The following CSMD1 variants were observed in gnomAD, a reference collection of about 807,000 sequenced individuals.
The protein encoded by CSMD1 is CUB and Sushi multiple domains 1.
A neutral mutation model predicts 417.5 loss-of-function variants in CSMD1; 213 were observed. The observed-to-expected ratio is 0.51, with a 90% CI of 0.46 to 0.57. The LOEUF (loss-of-function observed/expected upper bound fraction) is 0.57. Among genes scored for constraint, CSMD1 ranks in the 20% least tolerant of loss-of-function variants. CSMD1 has a pLI of 0.00. For synonymous variants in CSMD1, 2,862 were observed against 1,736.8 expected, an observed-to-expected ratio of 1.65 and a Z score of -16.11; for missense variants, 6,923 against 4,529.7, an observed-to-expected ratio of 1.53 and a Z score of -15.17.
intron 1 of CSMD1, among the ~76,000 whole-genome samples, chr8:4,911,490 C>T (rs894635795): frequency 1.3e-5 from 2 of 152,046 alleles, no homozygotes; most frequent in Admixed American, 1.3e-4. Flanking sequence ...TGGGTCTATA[C>T]CTCAATGTCA....
intron 15 of CSMD1, among the ~76,000 whole-genome samples, chr8:3,402,502 G>C (rs146713539): frequency 6.6e-6 from 1 of 152,140 alleles, no homozygotes; most frequent in African/African-American, 2.4e-5. Flanking sequence ...AAGAGAGAAA[G>C]AGAAACCTTT....
At chr8:3,965,978 C>T (rs189911315) in intron 5 of CSMD1, among the ~76,000 whole-genome samples, 56 of 151,964 alleles carry the variant, frequency 3.7e-4, no homozygotes, top group South Asian at 1.5e-3. Flanking sequence ...CATAATTTAG[C>T]GAGAATAAAA....
At chr8:4,394,358 G>A (rs945223187) in intron 3 of CSMD1, among the ~76,000 whole-genome samples, 1 of 152,142 alleles carries the variant, frequency 6.6e-6, no homozygotes, top group Non-Finnish European at 1.5e-5. Flanking sequence ...GGTTCTAAAT[G>A]TCCTGTTTCC....
chr8:4,359,200 C>G (rs1194337236), intron 3 of CSMD1, among the ~76,000 whole-genome samples: 3 of 152,170 alleles, frequency 2.0e-5, no homozygotes, highest in African/African-American at 7.2e-5. Flanking sequence ...AGTCCCAGAG[C>G]ATGAGTTGCA....
intron 1 of CSMD1, among the ~76,000 whole-genome samples, chr8:4,957,549 G>C (rs1291681817): frequency 2.0e-5 from 3 of 152,074 alleles, no homozygotes; most frequent in African/African-American, 7.2e-5. Context: ...GAAATTCATT[G>C]TGATATCAGT....
In CSMD1 at chr8:3,394,169, T is replaced by C. The variant is rs1364598431; in HGVS notation, c.2593+2025A>G. ...TTAAACACAGGATAAATGAAAAGAA[T>C]ACCAAAACATAGGGTAGTCATTCTT... On this transcript the variant is annotated intron_variant, in intron 17 of 69. Transcript: ENST00000635120. 1.4e-5 allele frequency among the ~76,000 whole-genome samples: 2 copies of C among 145,752 alleles called. 1 individual carries two copies. Among genetic ancestry groups the C allele is most frequent in the African/African-American group, 5.0e-5 (2 of 40,316 alleles).
intron 3 of CSMD1, among the ~76,000 whole-genome samples, chr8:4,372,173 G>C (rs1227547894): frequency 2.0e-5 from 3 of 152,154 alleles, no homozygotes; most frequent in Admixed American, 6.5e-5. Context: ...TGTCCAAAAA[G>C]AGATATTTTT....
intron 1 of CSMD1, among the ~76,000 whole-genome samples, chr8:4,960,115 G>A (rs982880559): frequency 4.6e-5 from 7 of 152,142 alleles, no homozygotes; most frequent in African/African-American, 1.4e-4. Context: ...ATTTTTAGGA[G>A]GGATATAATG....
At chr8:3,449,073 T>C (rs1420065325) in intron 12 of CSMD1, among the ~76,000 whole-genome samples, 2 of 152,194 alleles carry the variant, frequency 1.3e-5, no homozygotes, top group African/African-American at 2.4e-5. Flanking sequence ...TGAAAACTTG[T>C]TGCCTGTCTT....
In CSMD1 at chr8:3,409,685, AC is replaced by A. The variant is rs1316001720; in HGVS notation, c.1562-81del. ...TATCTCTACAACTTAGAAAGTAAAT[AC>A]GTGGCTTCTTTTTGCTGAACTAAAC... On this transcript the variant is annotated intron_variant, in intron 12 of 69. Coordinates refer to ENST00000635120, the MANE Select transcript of CSMD1 (RefSeq NM_033225.6). 14 of 1,159,952 alleles carry A rather than the reference AC, an allele frequency of 1.2e-5. No homozygotes were observed. The African/African-American group carries it at 1.9e-4, about 15-fold the overall frequency. The allele number at this position is 1,159,952 out of a possible 1,614,324, so 71.9% of individuals were successfully genotyped here. A position where few individuals can be genotyped will look rare whatever the true frequency, so the allele number is the denominator to read the frequency against.
chr8:3,724,580 G>T (rs780187835), intron 6 of CSMD1, among the ~76,000 whole-genome samples: 1 of 152,100 alleles, frequency 6.6e-6, no homozygotes, highest in Middle Eastern at 3.2e-3. Context: ...TGGGCTGGGA[G>T]AGGAATTAGG....
At chr8:4,900,903 C>G (rs1804825651) in intron 1 of CSMD1, among the ~76,000 whole-genome samples, 1 of 152,222 alleles carries the variant, frequency 6.6e-6, no homozygotes, top group African/African-American at 2.4e-5. Context: ...AGGTGCACCA[C>G]TAGTTACTTC....
chr8:3,884,485 G>A (rs957279507), intron 5 of CSMD1, among the ~76,000 whole-genome samples: 4 of 152,170 alleles, frequency 2.6e-5, no homozygotes, highest in African/African-American at 4.8e-5. Flanking sequence ...CCCCGCAGTA[G>A]CATAACTTCA....
intron 40 of CSMD1, among the ~76,000 whole-genome samples, chr8:3,149,601 C>T (rs971017136): frequency 6.6e-6 from 1 of 152,156 alleles, no homozygotes; most frequent in African/African-American, 2.4e-5. Flanking sequence ...CCTCAGCCTC[C>T]CAAGTAGTTG....
At chr8:3,742,619 T>C (rs145639576) in intron 6 of CSMD1, among the ~76,000 whole-genome samples, 8 of 152,126 alleles carry the variant, frequency 5.3e-5, no homozygotes, top group African/African-American at 1.9e-4. Flanking sequence ...CGTGCCCAGG[T>C]CCACTTTTCC....
chr8:3,508,760 G>T (rs1049673771), intron 10 of CSMD1, among the ~76,000 whole-genome samples: 1 of 152,012 alleles, frequency 6.6e-6, no homozygotes, highest in Non-Finnish European at 1.5e-5. Context: ...TATTTAGACC[G>T]AATAGAGGAC....
intron 1 of CSMD1, among the ~76,000 whole-genome samples, chr8:4,914,410 A>C (rs1805914232): frequency 6.6e-6 from 1 of 151,908 alleles, no homozygotes; most frequent in African/African-American, 2.4e-5. Context: ...CTCCGTCTCC[A>C]CTAAAAAATA....
intron 5 of CSMD1, among the ~76,000 whole-genome samples, chr8:3,878,500 G>A (rs1220192302): frequency 6.6e-6 from 1 of 151,932 alleles, no homozygotes; most frequent in Non-Finnish European, 1.5e-5. Context: ...ACACAAGCTA[G>A]CTTTTTAATA....
chr8:3,367,834 C>G (rs191282659), intron 19 of CSMD1, among the ~76,000 whole-genome samples: 1 of 152,144 alleles, frequency 6.6e-6, no homozygotes, highest in East Asian at 1.9e-4. Flanking sequence ...AGAATGTTTA[C>G]AATGGGTTTC....
Sources: allele counts gnomAD v4.1 joint callset (sites outside exome capture counted in the v4.1 genomes callset), GRCh38; gene constraint gnomAD v4.1.1; transcripts MANE v1.5; gene names NCBI Gene and HGNC (gene_info 2026-07-23, HGNC 2026-07-21).